Variants in HYDIN observed in about 807,000 individuals in gnomAD.
HYDIN encodes the protein HYDIN axonemal central pair apparatus protein.
Under a neutral mutation model 403.9 loss-of-function variants are expected in HYDIN, and 132 were observed. That is an observed-to-expected ratio of 0.33 (90% CI 0.28 to 0.38). The LOEUF (loss-of-function observed/expected upper bound fraction) is 0.38, where lower values mean the gene tolerates loss of function less well. Ranked by LOEUF, HYDIN falls within the 10% of genes least tolerant of loss-of-function variation. HYDIN has a pLI of 1.00. For synonymous variants in HYDIN, 1,202 were observed against 1,891.7 expected (o/e 0.64, Z 9.46); for missense variants, 2,827 against 5,009.5 (o/e 0.56, Z 13.15).
chr16:71,098,667 A>G (rs2083359130), intron 10 of HYDIN, among the ~76,000 whole-genome samples: 1 of 151,262 alleles, frequency 6.6e-6, no homozygotes, highest in Non-Finnish European at 1.5e-5. Context: ...CATGGAATAA[A>G]CTGCAGGACT....
At chr16:70,932,806 T>C (rs909274459) in intron 45 of HYDIN, among the ~76,000 whole-genome samples, 1 of 152,190 alleles carries the variant, frequency 6.6e-6, no homozygotes, top group Non-Finnish European at 1.5e-5. Flanking sequence ...TGTTCACCCA[T>C]CGAATCTAGT....
intron 18 of HYDIN, among the ~76,000 whole-genome samples, chr16:71,054,709 C>G (rs1410376629): frequency 2.0e-5 from 3 of 150,818 alleles, no homozygotes; most frequent in Non-Finnish European, 3.0e-5. Flanking sequence ...ATGTTAAATG[C>G]CTGCCAGCCA....
chr16:71,048,143 T>C (rs1451224114), intron 18 of HYDIN, among the ~76,000 whole-genome samples: 1 of 150,796 alleles, frequency 6.6e-6, no homozygotes, highest in Non-Finnish European at 1.5e-5. Context: ...TCCTCCAGGC[T>C]CATCTATGCT....
chr16:70,931,323 A>G (rs1484403545), intron 45 of HYDIN, among the ~76,000 whole-genome samples: 1 of 141,004 alleles, frequency 7.1e-6, no homozygotes, highest in East Asian at 2.1e-4. Context: ...AGTGGCTGGG[A>G]CTACAGGTGC....
chr16:71,163,032 T>C (rs1221930746), intron 5 of HYDIN, among the ~76,000 whole-genome samples: 1 of 151,884 alleles, frequency 6.6e-6, no homozygotes, highest in Non-Finnish European at 1.5e-5. Context: ...ATTTCTCCTG[T>C]AGATCCAAGA....
intron 1 of HYDIN, among the ~76,000 whole-genome samples, chr16:71,202,852 A>G (rs984721966): frequency 5.3e-5 from 8 of 151,962 alleles, no homozygotes; most frequent in African/African-American, 1.7e-4. Context: ...TCCCTCCCCT[A>G]TTCTCCTTCT....
At chr16:70,848,678 A>C (rs561352286) in intron 75 of HYDIN, among the ~76,000 whole-genome samples, 93 of 102,826 alleles carry the variant, frequency 9.0e-4, no homozygotes, top group Middle Eastern at 3.8e-3. Flanking sequence ...GTGGCAGGAC[A>C]TGCCTTTGAC....
At chr16:70,866,858 C>T (rs367710504) in intron 66 of HYDIN, among the ~76,000 whole-genome samples, 482 of 151,974 alleles carry the variant, frequency 3.2e-3, no homozygotes, top group African/African-American at 0.011. Context: ...AACCCTGTCT[C>T]TGCTAAAAGT....
intron 10 of HYDIN, among the ~76,000 whole-genome samples, chr16:71,111,484 A>G (rs562031567): frequency 6.6e-6 from 1 of 152,288 alleles, no homozygotes; most frequent in East Asian, 1.9e-4. Flanking sequence ...CTGCAAAGGG[A>G]AACAATTTGA....
At chr16:70,981,194 C>T (rs1489300531) in intron 29 of HYDIN, among the ~76,000 whole-genome samples, 197 bp downstream of exon 29, 1 of 152,228 alleles carries the variant, frequency 6.6e-6, no homozygotes, top group Non-Finnish European at 1.5e-5. Context: ...GGCCAGGGTT[C>T]TTCACTTGGG....
chr16:71,112,504 G>T (rs1249437382), intron 10 of HYDIN, among the ~76,000 whole-genome samples: 7 of 151,644 alleles, frequency 4.6e-5, no homozygotes, highest in African/African-American at 1.7e-4. Flanking sequence ...AACCACAGGG[G>T]GGAAATCAAA....
chr16:70,978,490 G>C (rs2078951529), intron 30 of HYDIN, among the ~76,000 whole-genome samples: 1 of 151,476 alleles, frequency 6.6e-6, no homozygotes, highest in African/African-American at 2.4e-5. Flanking sequence ...CACTGCACCT[G>C]GCCCTCCGTC....
At chr16:70,867,096 C>A in intron 66 of HYDIN, among the ~76,000 whole-genome samples, 1 of 135,328 alleles carries the variant, frequency 7.4e-6, no homozygotes, top group Non-Finnish European at 1.6e-5. Flanking sequence ...ATAATATGAA[C>A]AGAAGAGTTT....
At position 71,012,810 on chromosome 16, in the gene HYDIN, G is replaced by A. The variant is rs866556538; in HGVS notation, c.3644+5319C>T. On this transcript the variant is annotated intron_variant, in intron 23 of 85. Coordinates refer to ENST00000393567, the MANE Select transcript of HYDIN (RefSeq NM_001270974.2). ...TTTATGTGGTTTATGTTTTTCAGAC[G>A]TCCTACACAGAGACAGTCTGTCTGG... Among the ~76,000 whole-genome samples the A allele has an allele frequency of 4.0e-5, 6 of 150,316 alleles. 1 individual carries two copies. Among genetic ancestry groups the A allele is most frequent in the African/African-American group, 7.3e-5 (3 of 40,826 alleles).
At chr16:71,107,465 C>T (rs547446507) in intron 10 of HYDIN, among the ~76,000 whole-genome samples, 3 of 150,084 alleles carry the variant, frequency 2.0e-5, no homozygotes, top group Non-Finnish European at 4.5e-5. Context: ...GGAACTTAAA[C>T]CAATTTATAA....
intron 62 of HYDIN, among the ~76,000 whole-genome samples, chr16:70,878,643 C>A (rs1331869473): frequency 2.0e-5 from 3 of 147,742 alleles, no homozygotes; most frequent in African/African-American, 2.7e-5. Flanking sequence ...TAGTAGTGTG[C>A]ACGTTTTGTT....
intron 7 of HYDIN, among the ~76,000 whole-genome samples, chr16:71,145,396 A>C (rs1441587338): frequency 2.0e-5 from 3 of 152,126 alleles, no homozygotes; most frequent in Non-Finnish European, 4.4e-5. Context: ...CTGGGATTAC[A>C]GGCACACGCC....
chr16:71,020,526 AG>A (rs1373157268), intron 21 of HYDIN, among the ~76,000 whole-genome samples: 1 of 152,010 alleles, frequency 6.6e-6, no homozygotes, highest in Non-Finnish European at 1.5e-5. Flanking sequence ...AATCATGTGG[AG>A]GCCGGGTGCA....
intron 39 of HYDIN, among the ~76,000 whole-genome samples, chr16:70,956,417 T>C (rs2078238864): frequency 6.6e-6 from 1 of 152,278 alleles, no homozygotes; most frequent in East Asian, 1.9e-4. Context: ...TGTGGTAGGC[T>C]GAATAATGGC....
Sources: allele counts gnomAD v4.1 joint callset (sites outside exome capture counted in the v4.1 genomes callset), GRCh38; gene constraint gnomAD v4.1.1; transcripts MANE v1.5; gene names NCBI Gene and HGNC (gene_info 2026-07-23, HGNC 2026-07-21).